CDA: variants seen among roughly 807,000 people sequenced by gnomAD.
CDA encodes cytidine deaminase.
In CDA, 7 loss-of-function variants were observed where a neutral mutation model predicts 15.0. That is an observed-to-expected ratio of 0.47 (90% CI 0.26 to 0.87). CDA has a LOEUF of 0.87. CDA is among the 40% of genes least tolerant of loss of function. CDA has a pLI of 0.15. For missense variants in CDA, 159 were observed against 182.7 expected, an observed-to-expected ratio of 0.87 and a Z score of 0.75; for synonymous variants, 58 against 73.0, an observed-to-expected ratio of 0.79 and a Z score of 1.05.
chr1:20,616,932 T>G (rs1570388683), intron 3 of CDA, among the ~76,000 whole-genome samples: 1 of 152,322 alleles, frequency 6.6e-6, no homozygotes, highest in South Asian at 2.1e-4. Flanking sequence ...GCTGCAGACC[T>G]GAGCAGTCAC....
At chr1:20,616,467 A>G (rs1451597650) in intron 3 of CDA, among the ~76,000 whole-genome samples, 1 of 152,074 alleles carries the variant, frequency 6.6e-6, no homozygotes, top group Non-Finnish European at 1.5e-5. Flanking sequence ...AAAACATACC[A>G]CCGGGAAAGC....
chr1:20,591,051 C>T (rs1557544406), intron 1 of CDA, among the ~76,000 whole-genome samples: 1 of 152,134 alleles, frequency 6.6e-6, no homozygotes, highest in Admixed American at 6.5e-5. Flanking sequence ...GTTTTAAAAC[C>T]CACAATAGTC....
chr1:20,593,452 C>T (rs989611215), intron 1 of CDA, among the ~76,000 whole-genome samples: 37 of 152,236 alleles, frequency 2.4e-4, no homozygotes, highest in African/African-American at 8.9e-4. Flanking sequence ...GATCCAGGAA[C>T]ACAAACATCA....
chr1:20,600,474 G>A (rs2052632900), intron 1 of CDA, among the ~76,000 whole-genome samples: 1 of 152,054 alleles, frequency 6.6e-6, no homozygotes, highest in Admixed American at 6.6e-5. Context: ...CATTTTCAGG[G>A]GCTGGGCATC....
chr1:20,617,729 C>G (rs1224023069), intron 3 of CDA, among the ~76,000 whole-genome samples: 1 of 150,170 alleles, frequency 6.7e-6, no homozygotes, highest in East Asian at 1.9e-4. Context: ...GAGTCTCGCT[C>G]TATGGCCAAG....
chr1:20,610,261 C>CTTTTTTTTTTTTTTTTTTTT (rs760754305), intron 2 of CDA, among the ~76,000 whole-genome samples: 9 of 62,972 alleles, frequency 1.4e-4, no homozygotes, highest in Non-Finnish European at 3.0e-4. Context: ...CACACATTAT[C>CTTTTTTTTTTTTTTTTTTTT]TTTTTTTTTT....
In CDA at chr1:20,615,706, G is replaced by A. The variant is rs113482024; in HGVS notation, c.324+1807G>A. On this transcript the variant is annotated intron_variant, in intron 3 of 3. Transcript: ENST00000375071. ...TCCAGCATAATATCAAGAGCCCCTC[G>A]AAATACGGCATCTTGTGGGCATGAT... Among the ~76,000 whole-genome samples the A allele has an allele frequency of 4.6e-3, 701 of 151,726 alleles. 6 individuals are homozygous for A. Among genetic ancestry groups the A allele is most frequent in the African/African-American group, 0.016 (667 of 41,362 alleles).
intron 2 of CDA, among the ~76,000 whole-genome samples, chr1:20,613,486 T>C (rs1427272713): frequency 1.3e-5 from 2 of 152,220 alleles, no homozygotes; most frequent in East Asian, 3.9e-4. Flanking sequence ...ATTACAGGCG[T>C]GAGCTACCAA....
chr1:20,591,668 A>T (rs2052549631), intron 1 of CDA, among the ~76,000 whole-genome samples: 1 of 152,162 alleles, frequency 6.6e-6, no homozygotes, highest in Admixed American at 6.5e-5. Flanking sequence ...TTGCAGGGAA[A>T]GACCTGGTGT....
intron 2 of CDA, among the ~76,000 whole-genome samples, chr1:20,607,918 T>A (rs2052709213): frequency 6.6e-6 from 1 of 152,128 alleles, no homozygotes; most frequent in Non-Finnish European, 1.5e-5. Flanking sequence ...GAAAGGTCCG[T>A]GTGTCTTACT....
chr1:20,617,452 G>A (rs2052823559), intron 3 of CDA, among the ~76,000 whole-genome samples: 1 of 152,154 alleles, frequency 6.6e-6, no homozygotes, highest in African/African-American at 2.4e-5. Context: ...CATGTCATGG[G>A]AGGGACCTGG....
chr1:20,596,295 A>G (rs2052591258), intron 1 of CDA, among the ~76,000 whole-genome samples: 1 of 152,182 alleles, frequency 6.6e-6, no homozygotes, highest in African/African-American at 2.4e-5. Flanking sequence ...TATTTCTTCA[A>G]GTATATGGAC....
At chr1:20,594,148 T>C (rs978287299) in intron 1 of CDA, among the ~76,000 whole-genome samples, 1 of 152,186 alleles carries the variant, frequency 6.6e-6, no homozygotes, top group African/African-American at 2.4e-5. Context: ...GGCTTCCCCC[T>C]CCAAGGCAGC....
chr1:20,614,526 C>G (rs1275620593), intron 3 of CDA, among the ~76,000 whole-genome samples: 1 of 152,242 alleles, frequency 6.6e-6, no homozygotes, highest in Admixed American at 6.5e-5. Flanking sequence ...AAGATATTTA[C>G]TGTCTGGTCC....
chr1:20,602,574 C>A (rs1359485498), intron 1 of CDA, among the ~76,000 whole-genome samples: 3 of 152,150 alleles, frequency 2.0e-5, no homozygotes, highest in African/African-American at 7.2e-5. Flanking sequence ...CAGGTGGCTG[C>A]CACCATGCCA....
intron 3 of CDA, among the ~76,000 whole-genome samples, chr1:20,616,912 A>G (rs1000466426): frequency 2.6e-5 from 4 of 152,220 alleles, no homozygotes; most frequent in Admixed American, 2.0e-4. Flanking sequence ...GAAGTGTGGA[A>G]GAACAGGAGG....
In CDA at chr1:20,618,583, C is replaced by G. The variant is rs1225469405; in HGVS notation, c.*15C>G. On this transcript the variant is annotated 3_prime_UTR_variant, in exon 4 of 4. Transcript: ENST00000375071. ...AGACCCAGTGACAGCCAGAGAATGCCCACTGCCTGTAACAGCCACCTGGAG... is the reference window on the plus strand; with the variant it reads ...AGACCCAGTGACAGCCAGAGAATGCGCACTGCCTGTAACAGCCACCTGGAG... The G allele has an allele frequency of 3.4e-6, 5 of 1,457,968 alleles. No homozygotes were observed. Among genetic ancestry groups the G allele is most frequent in the African/African-American group, 1.4e-5 (1 of 71,820 alleles). The allele number at this position is 1,457,968 out of a possible 1,614,324, so 90.3% of individuals were successfully genotyped here.
At chr1:20,594,968 G>A (rs753140675) in intron 1 of CDA, among the ~76,000 whole-genome samples, 4 of 152,102 alleles carry the variant, frequency 2.6e-5, no homozygotes, top group Admixed American at 6.5e-5. Flanking sequence ...GGCACTGCAC[G>A]AGGTGTCCCT....
At chr1:20,609,357 G>A (rs2052724846) in intron 2 of CDA, among the ~76,000 whole-genome samples, 1 of 152,176 alleles carries the variant, frequency 6.6e-6, no homozygotes, top group Non-Finnish European at 1.5e-5. Context: ...GTGGTGGCGG[G>A]CACCTGTAGT....
Sources: allele counts gnomAD v4.1 joint callset (sites outside exome capture counted in the v4.1 genomes callset), GRCh38; gene constraint gnomAD v4.1.1; transcripts MANE v1.5; gene names NCBI Gene and HGNC (gene_info 2026-07-23, HGNC 2026-07-21).